CORIN: variants seen among roughly 807,000 people sequenced by gnomAD.
CORIN encodes the protein atrial natriuretic peptide-converting enzyme.
CORIN carries 117 observed loss-of-function variants against 125.3 expected under a neutral mutation model. That is an observed-to-expected ratio of 0.93 (90% CI 0.80 to 1.09). CORIN has a LOEUF of 1.09. CORIN is among the 50% of genes least tolerant of loss of function. CORIN has a pLI of 0.00. For synonymous variants in CORIN, 450 were observed against 466.4 expected, an observed-to-expected ratio of 0.96 and a Z score of 0.45; for missense variants, 1,253 against 1,306.7, an observed-to-expected ratio of 0.96 and a Z score of 0.63.
At chr4:47,830,473 C>G (rs1420558985) in intron 1 of CORIN, among the ~76,000 whole-genome samples, 1 of 152,188 alleles carries the variant, frequency 6.6e-6, no homozygotes, top group Non-Finnish European at 1.5e-5. Flanking sequence ...CATCTCTCCT[C>G]CCTGCACTCA....
At chr4:47,708,785 C>T (rs1364033688) in intron 5 of CORIN, among the ~76,000 whole-genome samples, 7 of 152,154 alleles carry the variant, frequency 4.6e-5, no homozygotes, top group East Asian at 3.9e-4. Flanking sequence ...GGTCTTATTT[C>T]GCTCATTTCT....
intron 19 of CORIN, among the ~76,000 whole-genome samples, chr4:47,606,085 T>C (rs1721634957): frequency 6.6e-6 from 1 of 152,170 alleles, no homozygotes; most frequent in Non-Finnish European, 1.5e-5. Flanking sequence ...CAATTTTCTC[T>C]ATGCCAAGCA....
At chr4:47,826,513 G>C (rs997580218) in intron 1 of CORIN, among the ~76,000 whole-genome samples, 91 of 152,182 alleles carry the variant, frequency 6.0e-4, no homozygotes, top group African/African-American at 1.8e-3. Flanking sequence ...TAGTGGCTGT[G>C]TCTATTCCCT....
chr4:47,599,027 C>T (rs948491916), intron 21 of CORIN, among the ~76,000 whole-genome samples: 5 of 152,132 alleles, frequency 3.3e-5, no homozygotes, highest in African/African-American at 9.7e-5. Context: ...ATAACTTCCC[C>T]GGGTTATACT....
In CORIN at chr4:47,600,413, G is replaced by C. The variant is rs527698399; in HGVS notation, c.2813-66C>G. 387 of 1,096,360 alleles carry C rather than the reference G, an allele frequency of 3.5e-4. 5 individuals carry two copies. In the South Asian group the frequency reaches 7.2e-3, roughly 20 times the overall value. The allele number at this position is 1,096,360 out of a possible 1,614,324, so 67.9% of individuals were successfully genotyped here. On this transcript the variant is annotated intron_variant, in intron 20 of 21. Transcript: ENST00000273857. ...ATGACTCAAAAGTGAGGCTAGTGAG[G>C]CTAGCCAAATATGAAATGCAAATAT...
rs61760483 is a variant in CORIN at position 47,653,866 on chromosome 4, C to A, written c.1736-206G>T. On this transcript the variant is annotated intron_variant, in intron 12 of 21. Coordinates refer to ENST00000273857, the MANE Select transcript of CORIN (RefSeq NM_006587.4). ...ATTCTTGGCCTCATCCCTCTAGATA[C>A]GCGGTTTAACATCTATGTATTCCAA... 3.2e-3 allele frequency among the ~76,000 whole-genome samples: 486 copies of A among 152,342 alleles called. 2 individuals carry two copies. Among genetic ancestry groups the A allele is most frequent in the Middle Eastern group, 6.8e-3 (2 of 294 alleles).
At chr4:47,613,497 A>G (rs914928211) in intron 19 of CORIN, among the ~76,000 whole-genome samples, 1 of 152,194 alleles carries the variant, frequency 6.6e-6, no homozygotes, top group Non-Finnish European at 1.5e-5. Flanking sequence ...ATCATAAAAG[A>G]AAGGCATGAA....
At chr4:47,656,218 T>C (rs1332501141) in intron 12 of CORIN, among the ~76,000 whole-genome samples, 1 of 150,504 alleles carries the variant, frequency 6.6e-6, no homozygotes, top group Non-Finnish European at 1.5e-5. Context: ...TGCAATGGCA[T>C]GATCTTGGCT....
chr4:47,707,445 G>GA (rs1726626562), intron 5 of CORIN, among the ~76,000 whole-genome samples: 1 of 152,104 alleles, frequency 6.6e-6, no homozygotes, highest in Non-Finnish European at 1.5e-5. Flanking sequence ...TTTCCCAGCT[G>GA]AAATTCCTCA....
chr4:47,773,151 C>T lies in CORIN; in HGVS notation c.410-9565G>A, dbSNP rs549650312. Among the ~76,000 whole-genome samples the T allele has an allele frequency of 3.3e-5, 5 of 152,236 alleles. No homozygotes were observed. The South Asian group carries it at 6.2e-4, about 19-fold the overall frequency. Reference sequence around the variant, plus strand: ...GAATTTGGAATTAGACCACATTTCACATATTTAGCCAAAATTTAACACATA... The same window carrying T: ...GAATTTGGAATTAGACCACATTTCATATATTTAGCCAAAATTTAACACATA... On this transcript the variant is annotated intron_variant, in intron 3 of 21. Transcript: ENST00000273857.
chr4:47,661,594 G>T, intron 12 of CORIN, 117 bp downstream of exon 12: 1 of 981,998 alleles, frequency 1.0e-6, no homozygotes, highest in Non-Finnish European at 1.5e-6. Context: ...TAAGCAGCCT[G>T]ATTGGAAACT....
intron 6 of CORIN, 24 bp from the exon 7 acceptor site, chr4:47,683,862 T>C (rs1163391838): frequency 7.1e-6 from 11 of 1,550,760 alleles, no homozygotes; most frequent in Admixed American, 3.4e-5. Flanking sequence ...AAGCCACCAG[T>C]GTGTCATCAG....
In CORIN at chr4:47,801,985, A is replaced by C. The variant is rs1026272138; in HGVS notation, c.208+4918T>G. ...CAGCAGTGGGTGTGTGGCATGGAGA[A>C]ATCGGTGTGCTTGGTAAAGGGAGAG... On this transcript the variant is annotated intron_variant, in intron 2 of 21. Transcript: ENST00000273857. Among the ~76,000 whole-genome samples, 4 of 152,272 alleles carry C rather than the reference A, an allele frequency of 2.6e-5. No homozygotes were observed. The South Asian group carries it at 8.3e-4, about 32-fold the overall frequency.
intron 3 of CORIN, among the ~76,000 whole-genome samples, chr4:47,767,875 G>A (rs981039518): frequency 6.6e-6 from 1 of 152,150 alleles, no homozygotes; most frequent in Non-Finnish European, 1.5e-5. Flanking sequence ...ACTGACTCAT[G>A]AAAAATCAGA....
Position 47,814,715 on chromosome 4 carries a change from G to T in CORIN, c.64-7668C>A, listed in dbSNP as rs73814826. 1.1e-3 allele frequency among the ~76,000 whole-genome samples: 173 copies of T among 152,198 alleles called. 1 individual carries two copies. Among genetic ancestry groups the T allele is most frequent in the African/African-American group, 4.0e-3 (166 of 41,546 alleles). ...CAGGAAGCATAAAGAACACGCATCTGGTTTTCAGTAAGTCTTTTCATCCCA... is the reference window on the plus strand; with the variant it reads ...CAGGAAGCATAAAGAACACGCATCTTGTTTTCAGTAAGTCTTTTCATCCCA... On this transcript the variant is annotated intron_variant, in intron 1 of 21. Transcript: ENST00000273857.
chr4:47,794,241 A>T (rs959902080), intron 2 of CORIN, among the ~76,000 whole-genome samples: 7 of 152,180 alleles, frequency 4.6e-5, no homozygotes, highest in Non-Finnish European at 1.0e-4. Context: ...TTAACTCCAA[A>T]TTCTTGTAAA....
At chr4:47,760,724 A>G (rs746943448) in intron 4 of CORIN, among the ~76,000 whole-genome samples, 1 of 152,196 alleles carries the variant, frequency 6.6e-6, no homozygotes, top group Non-Finnish European at 1.5e-5. Context: ...TCTCTTCTCT[A>G]GCTAGCAAAG....
intron 19 of CORIN, among the ~76,000 whole-genome samples, chr4:47,612,920 C>G (rs1314443117): frequency 6.6e-6 from 1 of 152,136 alleles, no homozygotes; most frequent in African/African-American, 2.4e-5. Context: ...TTCTATTATG[C>G]TAGGTTCCAA....
intron 5 of CORIN, among the ~76,000 whole-genome samples, chr4:47,737,217 C>T (rs1728172924): frequency 6.6e-6 from 1 of 152,186 alleles, no homozygotes; most frequent in East Asian, 1.9e-4. Context: ...TCAGCTTAGT[C>T]TCTGATTAAA....
Sources: gnomAD v4.1 joint callset for allele counts (sites outside exome capture counted in the v4.1 genomes callset) on GRCh38, gnomAD v4.1.1 for gene constraint, MANE v1.5 for transcripts, NCBI Gene and HGNC (gene_info 2026-07-23, HGNC 2026-07-21) for gene names.